AGT: variants seen among roughly 807,000 people sequenced by gnomAD.
AGT encodes angiotensinogen, also known as alpha-1 antiproteinase, antitrypsin.
In AGT, 26 loss-of-function variants were observed where a neutral mutation model predicts 28.1. The ratio of observed to expected loss-of-function variants is 0.92; its 90% CI spans 0.68 to 1.28. The LOEUF is 1.28. Among genes scored for constraint, AGT ranks in the 50% most tolerant of loss-of-function variants. The pLI, the probability that AGT is intolerant of heterozygous loss-of-function variation, is 0.00. For synonymous variants in AGT, 259 were observed against 259.6 expected, an observed-to-expected ratio of 1.00 and a Z score of 0.02; for missense variants, 596 against 592.3, an observed-to-expected ratio of 1.01 and a Z score of -0.06.
upstream of AGT, among the ~76,000 whole-genome samples, chr1:230,716,963 A>T (rs562791350): frequency 5.9e-5 from 9 of 151,720 alleles, no homozygotes; most frequent in Non-Finnish European, 1.2e-4. Flanking sequence ...AAGGGAAGAC[A>T]TAAGAGACTC....
chr1:230,735,819 T>C (rs1294345591), intron 1 of AGT, among the ~76,000 whole-genome samples: 1 of 152,154 alleles, frequency 6.6e-6, no homozygotes, highest in Non-Finnish European at 1.5e-5. Flanking sequence ...ATTCTAGGGG[T>C]ACCCTGCTGC....
intron 1 of AGT, among the ~76,000 whole-genome samples, chr1:230,730,053 C>T (rs1664023236): frequency 6.6e-6 from 1 of 152,018 alleles, no homozygotes; most frequent in African/African-American, 2.4e-5. Flanking sequence ...CCCAGCTACT[C>T]AGGAGGCTCC....
rs1205199806 is a variant in AGT at position 230,710,366 on chromosome 1, A to G, written c.458T>C (p.Leu153Pro). 6.2e-7 allele frequency: 1 copy of G among 1,614,070 alleles called. No individual in the cohort carries two copies. Among genetic ancestry groups the G allele is most frequent in the Non-Finnish European group, 8.5e-7 (1 of 1,180,040 alleles). The part of the protein sequence containing the change: ...DHTADRLQAI[L>P]GVPWKDKNCT... Reference sequence around the variant, plus strand: ...GTTCTTGTCCTTCCAAGGAACACCCAGGATTGCCTGTAGCCTGTCAGCTGT... The same window carrying G: ...GTTCTTGTCCTTCCAAGGAACACCCGGGATTGCCTGTAGCCTGTCAGCTGT... The change falls in exon 2 of 5, where the codon CTG (leucine) becomes CCG (proline). Residue 153 changes from leucine to proline, a missense_variant. Coordinates refer to ENST00000366667, the MANE Select transcript of AGT (RefSeq NM_001384479.1).
Position 230,702,830 on chromosome 1 carries a change from A to T in AGT, c.*311T>A. The T allele has an allele frequency of 3.0e-6, 1 of 336,996 alleles. No individual in the cohort carries two copies. The highest frequency in any genetic ancestry group is 8.2e-4 in the Middle Eastern group (1 of 1,226). 20.9% of individuals were successfully genotyped at this position (336,996 alleles called of 1,614,324 possible). A position where few individuals can be genotyped will look rare whatever the true frequency, so the allele number is the denominator to read the frequency against. On this transcript the variant is annotated 3_prime_UTR_variant, in exon 5 of 5. Transcript: ENST00000366667. ...TTCACAAACAAGCTGGTCGGTTGGA[A>T]TTCTTTTTGGAACAGTAGTCCCGCG...
chr1:230,717,956 T>G (rs1014687732), upstream of AGT, among the ~76,000 whole-genome samples: 9 of 152,082 alleles, frequency 5.9e-5, no homozygotes, highest in African/African-American at 2.2e-4. Flanking sequence ...CCAGGAGAAA[T>G]GGCTGTATTT....
chr1:230,717,184 C>G (rs780797270), upstream of AGT, among the ~76,000 whole-genome samples: 4 of 151,518 alleles, frequency 2.6e-5, no homozygotes, highest in Non-Finnish European at 5.9e-5. Flanking sequence ...TAAAGTATAG[C>G]TCTTTTTCAA....
intron 1 of AGT, among the ~76,000 whole-genome samples, chr1:230,738,667 C>T (rs1486947402): frequency 2.6e-5 from 4 of 151,852 alleles, no homozygotes; most frequent in South Asian, 2.1e-4. Context: ...GGGGAGGATA[C>T]GTCATTTATA....
rs4762 is a variant in AGT, at chr1:230,710,231, G to A, written c.593C>T (p.Thr198Met). The A allele has an allele frequency of 0.12, 196,109 of 1,613,596 alleles. 12,433 individuals are homozygous for A. Among genetic ancestry groups the A allele is most frequent in the South Asian group, 0.13 (11,698 of 91,080 alleles). ...TGGGGCTGTGAACACGCCCACCACC[G>A]TGGACAGCAGCAGCTGGGCCTGGCT... ...ADSQAQLLLSTVVGVFTAPGL... is the reference protein window; with the variant it reads ...ADSQAQLLLSMVVGVFTAPGL... Residue 198 changes from threonine to methionine, a missense_variant, in exon 2 of 5, where the codon ACG becomes ATG. Thr to Met is a moderately conservative substitution (Grantham distance 81). Coordinates refer to ENST00000366667, the MANE Select transcript of AGT (RefSeq NM_001384479.1).
chr1:230,709,952 T>C, intron 2 of AGT, 43 bp downstream of exon 2: 1 of 1,613,444 alleles, frequency 6.2e-7, no homozygotes, highest in Non-Finnish European at 8.5e-7. Flanking sequence ...ACACATTGGA[T>C]ACTAAGTCCT....
intron 2 of AGT, 34 bp from the exon 3 acceptor site, chr1:230,706,234 T>A (rs757712519): frequency 6.2e-7 from 1 of 1,608,062 alleles, no homozygotes; most frequent in East Asian, 2.2e-5. Flanking sequence ...GAGGGAAGAG[T>A]CACCCAAGAC....
chr1:230,731,258 C>A (rs958810029), intron 1 of AGT, among the ~76,000 whole-genome samples: 52 of 152,216 alleles, frequency 3.4e-4, no homozygotes, highest in African/African-American at 1.2e-3. Flanking sequence ...CAGGTCCACA[C>A]TGTTTACCTA....
chr1:230,735,009 C>G (rs752512697), intron 1 of AGT, among the ~76,000 whole-genome samples: 1 of 152,112 alleles, frequency 6.6e-6, no homozygotes, highest in African/African-American at 2.4e-5. Context: ...CCATCGCGCC[C>G]GGCCATAACT....
intron 1 of AGT, among the ~76,000 whole-genome samples, chr1:230,734,582 C>A (rs1000813664): frequency 2.0e-5 from 3 of 149,374 alleles, no homozygotes; most frequent in Non-Finnish European, 4.4e-5. Flanking sequence ...TTTATATATG[C>A]ATTTATAAAT....
upstream of AGT, chr1:230,714,442 A>G (rs1020444085): frequency 2.6e-5 from 4 of 152,320 alleles, no homozygotes; most frequent in African/African-American, 9.7e-5. Context: ...GAGGCCAACC[A>G]CCCAGGCCTT....
chr1:230,710,511 C>G lies in AGT; in HGVS notation c.313G>C (p.Gly105Arg). The G allele has an allele frequency of 6.2e-7, 1 of 1,614,082 alleles. No individual in the cohort carries two copies. The highest frequency in any genetic ancestry group is 2.2e-5 in the East Asian group (1 of 44,894). ...CTGTGCATGCCATATATACGGAAGC[C>G]CAAGAAGTTGGCCAGCATCCCGACC... is the stretch of plus-strand genomic sequence containing the variant. ...AMVGMLANFL[G>R]FRIYGMHSEL... is the part of the protein sequence containing the mutation. The change falls in exon 2 of 5, where the codon GGC becomes CGC. Residue 105 changes from glycine to arginine, a missense_variant. Gly to Arg is a moderately radical substitution (Grantham distance 125, BLOSUM62 -2). Transcript: ENST00000366667.
intron 1 of AGT, among the ~76,000 whole-genome samples, chr1:230,724,818 A>G (rs1663910077): frequency 6.6e-6 from 1 of 152,174 alleles, no homozygotes; most frequent in South Asian, 2.1e-4. Flanking sequence ...AGAGTAAGAC[A>G]TTGTCACAAA....
At chr1:230,729,576 C>T (rs1664013010) in intron 1 of AGT, among the ~76,000 whole-genome samples, 1 of 152,108 alleles carries the variant, frequency 6.6e-6, no homozygotes, top group Non-Finnish European at 1.5e-5. Flanking sequence ...GACAGTGGCC[C>T]CAGCTCCCAG....
intron 1 of AGT, among the ~76,000 whole-genome samples, chr1:230,733,402 C>T (rs1479141476): frequency 6.6e-6 from 1 of 152,146 alleles, no homozygotes; most frequent in African/African-American, 2.4e-5. Flanking sequence ...TCCACATTCT[C>T]CTAGCAAAAT....
At position 230,703,180 on chromosome 1, in the gene AGT, G is replaced by A. The variant is rs539658128; in HGVS notation, c.1392C>T (p.His464=). 6.2e-7 allele frequency: 1 copy of A among 1,614,162 alleles called. No individual in the cohort carries two copies. The highest frequency in any genetic ancestry group is 1.1e-5 in the South Asian group (1 of 91,078). ...AVYDQSATAL[H]FLGRVANPLS... ...GCGGGTTGGCCACGCGGCCCAGGAA[G>A]TGCAGGGCAGTGGCGCTTTGATCAT... The change falls in exon 5 of 5, where the codon CAC becomes CAT. Residue 464 remains histidine (H), a synonymous_variant. Coordinates refer to ENST00000366667, the MANE Select transcript of AGT (RefSeq NM_001384479.1).
Sources: allele counts gnomAD v4.1 joint callset (sites outside exome capture counted in the v4.1 genomes callset), GRCh38; gene constraint gnomAD v4.1.1; transcripts MANE v1.5; gene names NCBI Gene and HGNC (gene_info 2026-07-23, HGNC 2026-07-21).